The following CTNNBL1 variants were observed in gnomAD, a reference collection of about 807,000 sequenced individuals.
CTNNBL1 encodes catenin beta like 1.
CTNNBL1 carries 31 observed loss-of-function variants against 72.7 expected under a neutral mutation model. That is an observed-to-expected ratio of 0.43 (90% CI 0.32 to 0.58). CTNNBL1 has a LOEUF of 0.58. Ranked by LOEUF, CTNNBL1 falls within the 20% of genes least tolerant of loss-of-function variation. The probability of loss-of-function intolerance (pLI) is 0.08; values close to 1 mark genes in which losing one functional copy is unlikely to be tolerated. For synonymous variants in CTNNBL1, 240 were observed against 267.3 expected, an observed-to-expected ratio of 0.90 and a Z score of 1.00; for missense variants, 534 against 725.1, an observed-to-expected ratio of 0.74 and a Z score of 3.03.
intron 10 of CTNNBL1, among the ~76,000 whole-genome samples, chr20:37,789,413 A>G (rs1600489153): frequency 6.6e-6 from 1 of 152,248 alleles, no homozygotes; most frequent in South Asian, 2.1e-4. Context: ...GTAGTCTGTG[A>G]TGTTTGAGAG....
intron 1 of CTNNBL1, among the ~76,000 whole-genome samples, chr20:37,696,739 G>C (rs1403433948): frequency 2.6e-5 from 4 of 151,774 alleles, no homozygotes; most frequent in Non-Finnish European, 4.4e-5. Flanking sequence ...CACTGCCCCT[G>C]GCCACGTGAA....
chr20:37,803,089 A>G (rs895633065), intron 11 of CTNNBL1, 41 bp downstream of exon 11: 1 of 1,561,874 alleles, frequency 6.4e-7, no homozygotes, highest in African/African-American at 1.4e-5. Context: ...TAGGTGCATT[A>G]GGAGAAATAG....
chr20:37,757,748 C>T (rs2073377850), intron 5 of CTNNBL1, 92 bp downstream of exon 5: 3 of 861,558 alleles, frequency 3.5e-6, no homozygotes, highest in African/African-American at 1.7e-5. Context: ...CCAGGTGGAA[C>T]TCCACGGCAA....
chr20:37,705,461 C>CA (rs994729296), intron 1 of CTNNBL1, among the ~76,000 whole-genome samples: 3 of 151,612 alleles, frequency 2.0e-5, no homozygotes, highest in African/African-American at 2.4e-5. Context: ...AGCAACATGG[C>CA]AAAAAAAAAT....
At chr20:37,787,806 C>T (rs2073691988) in intron 10 of CTNNBL1, among the ~76,000 whole-genome samples, 1 of 151,778 alleles carries the variant, frequency 6.6e-6, no homozygotes, top group Non-Finnish European at 1.5e-5. Context: ...CCATTATTTT[C>T]CTTCTTCTTT....
chr20:37,710,150 A>C lies in CTNNBL1; in HGVS notation c.30+15998A>C, dbSNP rs545090244. 3.9e-5 allele frequency among the ~76,000 whole-genome samples: 6 copies of C among 152,386 alleles called. No individual in the cohort carries two copies. The East Asian group carries it at 1.2e-3, about 29-fold the overall frequency. On this transcript the variant is annotated intron_variant, in intron 1 of 15. Transcript: ENST00000361383. ...GCCTTTCTCAGTAGGACACACTGTG[A>C]TCTCAGGAGCATCATTATGAATACA...
At chr20:37,722,524 AG>A (rs2073050018) in intron 1 of CTNNBL1, among the ~76,000 whole-genome samples, 2 of 147,742 alleles carry the variant, frequency 1.4e-5, no homozygotes, top group South Asian at 2.1e-4. Context: ...AAATAAATAA[AG>A]TCTGTTGTAT....
chr20:37,710,081 T>G (rs1344737764), intron 1 of CTNNBL1, among the ~76,000 whole-genome samples: 3 of 152,216 alleles, frequency 2.0e-5, no homozygotes, highest in Non-Finnish European at 2.9e-5. Flanking sequence ...ACATGTATTT[T>G]TCATCATTTT....
At chr20:37,806,041 T>G (rs569184306) in intron 11 of CTNNBL1, among the ~76,000 whole-genome samples, 1 of 152,376 alleles carries the variant, frequency 6.6e-6, no homozygotes, top group African/African-American at 2.4e-5. Flanking sequence ...CAGTCAGTCA[T>G]ACACCTAGAG....
intron 1 of CTNNBL1, among the ~76,000 whole-genome samples, chr20:37,695,773 G>A (rs2072786022): frequency 6.6e-6 from 1 of 152,192 alleles, no homozygotes; most frequent in Non-Finnish European, 1.5e-5. Context: ...GACGGTAGCT[G>A]CCTCACAGGG....
intron 6 of CTNNBL1, among the ~76,000 whole-genome samples, 198 bp downstream of exon 6, chr20:37,765,488 T>C (rs1423843917): frequency 6.6e-6 from 1 of 152,244 alleles, no homozygotes; most frequent in Non-Finnish European, 1.5e-5. Context: ...TTGTAGGTAA[T>C]GAAAGCAGAA....
chr20:37,784,450 A>G (rs975212632), intron 10 of CTNNBL1, among the ~76,000 whole-genome samples: 3 of 152,042 alleles, frequency 2.0e-5, no homozygotes, highest in Non-Finnish European at 2.9e-5. Context: ...TGATTTTCTC[A>G]TATGGTATGT....
chr20:37,756,680 C>G (rs1479998141), intron 4 of CTNNBL1, among the ~76,000 whole-genome samples: 1 of 146,554 alleles, frequency 6.8e-6, no homozygotes, highest in Non-Finnish European at 1.5e-5. Context: ...CTCTGTTTCC[C>G]AGGCTGGAGT....
intron 11 of CTNNBL1, among the ~76,000 whole-genome samples, chr20:37,811,689 G>A (rs2072013058): frequency 6.6e-6 from 1 of 152,230 alleles, no homozygotes; most frequent in African/African-American, 2.4e-5. Context: ...TCACAGCATA[G>A]CTGTTTGCCA....
rs186649180 is a variant in CTNNBL1, at chr20:37,746,270, C to T, written c.327-198C>T. On this transcript the variant is annotated intron_variant, in intron 3 of 15. Coordinates refer to ENST00000361383, the MANE Select transcript of CTNNBL1 (RefSeq NM_030877.5). ...GGGAACCCTGTAATGAGATCTGAAT[C>T]CAAGATTGATTTTTGTAATGAGGAA... Among the ~76,000 whole-genome samples the T allele has an allele frequency of 7.4e-4, 113 of 152,226 alleles. 1 individual carries two copies. The highest frequency in any genetic ancestry group is 2.7e-3 in the African/African-American group (111 of 41,520).
chr20:37,738,192 A>T (rs2073185971), intron 3 of CTNNBL1, among the ~76,000 whole-genome samples: 1 of 152,230 alleles, frequency 6.6e-6, no homozygotes, highest in African/African-American at 2.4e-5. Context: ...GAGGCTCTGA[A>T]GTTAGACAGA....
chr20:37,780,342 A>G (rs753210849), intron 10 of CTNNBL1, among the ~76,000 whole-genome samples: 5 of 152,180 alleles, frequency 3.3e-5, no homozygotes, highest in Non-Finnish European at 7.4e-5. Context: ...ACAAGGTACT[A>G]TGTTAAGTAC....
At chr20:37,697,781 C>T (rs1025247583) in intron 1 of CTNNBL1, among the ~76,000 whole-genome samples, 31 of 152,156 alleles carry the variant, frequency 2.0e-4, no homozygotes, top group East Asian at 1.9e-3. Context: ...ATCTTAATGG[C>T]AGTACTTAAT....
chr20:37,772,590 C>T (rs184230048), intron 7 of CTNNBL1, among the ~76,000 whole-genome samples: 45 of 152,184 alleles, frequency 3.0e-4, no homozygotes, highest in Non-Finnish European at 5.6e-4. Context: ...CCTTGTGATC[C>T]GCCCGCCTTG....
Sources: allele counts gnomAD v4.1 joint callset (sites outside exome capture counted in the v4.1 genomes callset), GRCh38; gene constraint gnomAD v4.1.1; transcripts MANE v1.5; gene names NCBI Gene and HGNC (gene_info 2026-07-23, HGNC 2026-07-21).